The following MAGI3 variants were observed in gnomAD, a reference collection of about 807,000 sequenced individuals.
MAGI3 encodes the protein membrane associated guanylate kinase, WW and PDZ domain containing 3, also known as membrane-associated guanylate kinase, WW and PDZ domain-containing protein 3.
In MAGI3, 43 loss-of-function variants were observed where a neutral mutation model predicts 121.8. The ratio of observed to expected loss-of-function variants is 0.35; its 90% CI spans 0.28 to 0.46. MAGI3 has a LOEUF of 0.46. Ranked by LOEUF, MAGI3 falls within the 20% of genes least tolerant of loss-of-function variation. The pLI, the probability that MAGI3 is intolerant of heterozygous loss-of-function variation, is 1.00. For synonymous variants in MAGI3, 553 were observed against 639.3 expected (o/e 0.86, Z 2.04); for missense variants, 1,547 against 1,797.3 (o/e 0.86, Z 2.52).
chr1:113,497,119 T>C (rs1018414522), intron 1 of MAGI3, among the ~76,000 whole-genome samples: 1 of 152,092 alleles, frequency 6.6e-6, no homozygotes, highest in African/African-American at 2.4e-5. Flanking sequence ...TAGCTGGGCG[T>C]GATGGCGCAT....
chr1:113,423,358 A>G (rs951156068), intron 1 of MAGI3, among the ~76,000 whole-genome samples: 3 of 146,484 alleles, frequency 2.0e-5, no homozygotes, highest in African/African-American at 7.6e-5. Flanking sequence ...TGCAAGCCCC[A>G]CCTCCTGGGT....
At chr1:113,607,337 C>G (rs898495945) in intron 6 of MAGI3, among the ~76,000 whole-genome samples, 1 of 152,108 alleles carries the variant, frequency 6.6e-6, no homozygotes, top group African/African-American at 2.4e-5. Flanking sequence ...GATGAGACAC[C>G]TTTGCTCTTT....
chr1:113,515,906 T>C (rs1657875511), intron 1 of MAGI3, among the ~76,000 whole-genome samples: 1 of 152,058 alleles, frequency 6.6e-6, no homozygotes, highest in African/African-American at 2.4e-5. Flanking sequence ...CTATTATAGA[T>C]CAATTGTGCC....
At chr1:113,557,150 C>A (rs1004492491) in intron 2 of MAGI3, among the ~76,000 whole-genome samples, 1 of 152,206 alleles carries the variant, frequency 6.6e-6, no homozygotes, top group African/African-American at 2.4e-5. Flanking sequence ...AGCGTCCCCC[C>A]AGCAGCACAA....
At chr1:113,622,059 G>C (rs1650850132) in intron 8 of MAGI3, among the ~76,000 whole-genome samples, 1 of 152,170 alleles carries the variant, frequency 6.6e-6, no homozygotes, top group Non-Finnish European at 1.5e-5. Flanking sequence ...GCATGACATT[G>C]AATTGTACAC....
At chr1:113,463,970 C>A (rs1042333973) in intron 1 of MAGI3, among the ~76,000 whole-genome samples, 1 of 152,070 alleles carries the variant, frequency 6.6e-6, no homozygotes, top group East Asian at 1.9e-4. Flanking sequence ...GGATATTCAT[C>A]ACCTTAAATA....
At chr1:113,620,720 G>A (rs1650767407) in intron 8 of MAGI3, among the ~76,000 whole-genome samples, 1 of 152,152 alleles carries the variant, frequency 6.6e-6, no homozygotes, top group South Asian at 2.1e-4. Flanking sequence ...ACAGGAAACT[G>A]ATGGTTATAA....
intron 1 of MAGI3, among the ~76,000 whole-genome samples, chr1:113,458,928 A>G (rs1293509329): frequency 1.3e-5 from 2 of 152,220 alleles, no homozygotes; most frequent in African/African-American, 4.8e-5. Flanking sequence ...TTTAATAAGA[A>G]TTTAACCATA....
intron 1 of MAGI3, among the ~76,000 whole-genome samples, chr1:113,395,030 A>G (rs1276634869): frequency 7.3e-6 from 1 of 136,968 alleles, no homozygotes; most frequent in Non-Finnish European, 1.6e-5. Context: ...GGAAATATTT[A>G]TGTTATTCAA....
At chr1:113,544,833 T>C (rs1659455189) in intron 1 of MAGI3, among the ~76,000 whole-genome samples, 1 of 152,214 alleles carries the variant, frequency 6.6e-6, no homozygotes, top group South Asian at 2.1e-4. Context: ...ACTTTGCTTC[T>C]ATAATCTTGC....
chr1:113,514,383 C>T (rs1018233999), intron 1 of MAGI3, among the ~76,000 whole-genome samples: 46 of 152,114 alleles, frequency 3.0e-4, no homozygotes, highest in African/African-American at 9.9e-4. Context: ...CCCAAATGTC[C>T]AACAATGATA....
chr1:113,545,526 T>C (rs934559182), intron 1 of MAGI3, among the ~76,000 whole-genome samples: 1 of 152,264 alleles, frequency 6.6e-6, no homozygotes, highest in Non-Finnish European at 1.5e-5. Context: ...GCCCAGCGTT[T>C]AGTTAAATAA....
chr1:113,603,898 A>G (rs1649568227), intron 6 of MAGI3, among the ~76,000 whole-genome samples: 1 of 152,226 alleles, frequency 6.6e-6, no homozygotes, highest in African/African-American at 2.4e-5. Flanking sequence ...CATATGAAAA[A>G]AAATGCTCAT....
At chr1:113,606,497 C>T (rs1381544959) in intron 6 of MAGI3, among the ~76,000 whole-genome samples, 1 of 151,880 alleles carries the variant, frequency 6.6e-6, no homozygotes, top group Non-Finnish European at 1.5e-5. Context: ...AGTTTTCTGC[C>T]TTTTCTTGTT....
intron 19 of MAGI3, among the ~76,000 whole-genome samples, chr1:113,680,964 A>G (rs1648180654): frequency 6.6e-6 from 1 of 152,178 alleles, no homozygotes; most frequent in African/African-American, 2.4e-5. Flanking sequence ...GTTAGTAGCC[A>G]TATAAAACTT....
At chr1:113,633,236 TCA>T (rs1651764867) in intron 9 of MAGI3, among the ~76,000 whole-genome samples, 2 of 127,920 alleles carry the variant, frequency 1.6e-5, no homozygotes, top group South Asian at 5.2e-4. Flanking sequence ...CATGAACTCA[TCA>T]TTTTTTTTTT....
At chr1:113,563,430 T>C (rs1660318730) in intron 2 of MAGI3, among the ~76,000 whole-genome samples, 1 of 152,046 alleles carries the variant, frequency 6.6e-6, no homozygotes, top group Admixed American at 6.6e-5. Context: ...AAGAAGAGAG[T>C]TCTTTTCCTG....
intron 10 of MAGI3, among the ~76,000 whole-genome samples, chr1:113,643,283 C>T (rs1000046109): frequency 7.2e-5 from 11 of 152,210 alleles, no homozygotes; most frequent in Non-Finnish European, 8.8e-5. Context: ...TTGAGGCAAA[C>T]GAGCACTTCA....
intron 1 of MAGI3, among the ~76,000 whole-genome samples, chr1:113,495,462 T>C (rs1426466771): frequency 1.3e-5 from 2 of 151,984 alleles, no homozygotes; most frequent in Admixed American, 1.3e-4. Flanking sequence ...ACCCATCACC[T>C]GAGCAGTGTA....
Sources: gnomAD v4.1 joint callset for allele counts (sites outside exome capture counted in the v4.1 genomes callset) on GRCh38, gnomAD v4.1.1 for gene constraint, MANE v1.5 for transcripts, NCBI Gene and HGNC (gene_info 2026-07-23, HGNC 2026-07-21) for gene names.